The following SIN3B variants were observed in gnomAD, a reference collection of about 807,000 sequenced individuals.
SIN3B encodes the protein SIN3 transcription regulator family member B.
In SIN3B, 19 loss-of-function variants were observed where a neutral mutation model predicts 120.2. That is an observed-to-expected ratio of 0.16 (90% CI 0.11 to 0.23). The LOEUF (loss-of-function observed/expected upper bound fraction) is 0.23, where lower values mean the gene tolerates loss of function less well. SIN3B is among the 10% of genes least tolerant of loss of function. The probability of loss-of-function intolerance (pLI) is 1.00; values close to 1 mark genes in which losing one functional copy is unlikely to be tolerated. For missense variants in SIN3B, 1,073 were observed against 1,573.0 expected (o/e 0.68, Z 5.38); for synonymous variants, 654 against 653.2 (o/e 1.00, Z -0.02).
chr19:16,869,564 C>G lies in SIN3B; in HGVS notation c.1911C>G (p.Ile637Met). ...TCCTGGAGGACGCAGCAGCGCTCAT[C>G]AGCTACTACGTGAAGCGGCAGCCGG... ...RQILEDAAAL[I>M]SYYVKRQPAI... is the part of the protein sequence containing the mutation. The change falls in exon 13 of 19, where the codon ATC becomes ATG. Residue 637 changes from isoleucine to methionine, a missense_variant. This residue lies in a region of SIN3B where 169 missense variants were observed against 207.3 expected (regional missense o/e 0.82). Coordinates refer to ENST00000248054, the MANE Select transcript of SIN3B (RefSeq NM_001297595.2). 2 of 1,613,902 alleles carry G rather than the reference C, an allele frequency of 1.2e-6. No homozygotes were observed. The highest frequency in any genetic ancestry group is 1.7e-6 in the Non-Finnish European group (2 of 1,180,038).
At chr19:16,832,171 G>A (rs1971286266) in intron 3 of SIN3B, among the ~76,000 whole-genome samples, 1 of 151,050 alleles carries the variant, frequency 6.6e-6, no homozygotes, top group South Asian at 2.1e-4. Context: ...CTTTTTTCTT[G>A]GGTGATAGGT....
chr19:16,850,011 C>G (rs1415387742), intron 5 of SIN3B, among the ~76,000 whole-genome samples: 1 of 151,048 alleles, frequency 6.6e-6, no homozygotes, highest in Non-Finnish European at 1.5e-5. Flanking sequence ...GCCAATTTCT[C>G]CACTTACAGC....
chr19:16,830,585 C>T (rs1971266248), intron 2 of SIN3B, among the ~76,000 whole-genome samples: 2 of 152,182 alleles, frequency 1.3e-5, no homozygotes, highest in Admixed American at 6.5e-5. Context: ...GACTCAGATT[C>T]TTGGAAGTCA....
intron 8 of SIN3B, among the ~76,000 whole-genome samples, chr19:16,860,155 G>A (rs1971666801): frequency 6.6e-6 from 1 of 152,200 alleles, no homozygotes; most frequent in Non-Finnish European, 1.5e-5. Flanking sequence ...CAGAATTGAA[G>A]CGGGCCTCTG....
Position 16,866,365 on chromosome 19 carries a change from C to A in SIN3B, c.1623-8C>A. 1 of 1,608,898 alleles carries A rather than the reference C, an allele frequency of 6.2e-7. No individual in the cohort carries two copies. Among genetic ancestry groups the A allele is most frequent in the Non-Finnish European group, 8.5e-7 (1 of 1,177,322 alleles). ...TGTCCCTGGTGCTGACCTCTCTTCC[C>A]CCCGCAGACTGAAGGCCAAGGAAGA... On this transcript the variant is annotated splice_region_variant and splice_polypyrimidine_tract_variant and intron_variant, in intron 11 of 18. Coordinates refer to ENST00000248054, the MANE Select transcript of SIN3B (RefSeq NM_001297595.2).
rs376663611 is a variant in SIN3B, at chr19:16,869,955, C to T, written c.2302C>T (p.Arg768Cys). 3.0e-5 allele frequency: 49 copies of T among 1,614,106 alleles called. No homozygotes were observed. Among genetic ancestry groups the T allele is most frequent in the Non-Finnish European group, 3.9e-5 (46 of 1,180,056 alleles). ...TLCSRLLKIY[R>C]QAQKQLLEYR... Reference sequence around the variant, plus strand: ...GTGCTCCAGGCTGCTGAAGATCTACCGCCAGGCGCAGAAGCAGCTTCTGGA... The same window carrying T: ...GTGCTCCAGGCTGCTGAAGATCTACTGCCAGGCGCAGAAGCAGCTTCTGGA... The change falls in exon 13 of 19, where the codon CGC becomes TGC. Residue 768 changes from arginine to cysteine, a missense_variant. Coordinates refer to ENST00000248054, the MANE Select transcript of SIN3B (RefSeq NM_001297595.2).
intron 5 of SIN3B, among the ~76,000 whole-genome samples, chr19:16,850,711 G>C (rs150763746): frequency 1.3e-5 from 2 of 152,200 alleles, no homozygotes; most frequent in African/African-American, 4.8e-5. Flanking sequence ...GAAAAGCTGC[G>C]GTCTGTCCAT....
intron 8 of SIN3B, among the ~76,000 whole-genome samples, chr19:16,856,130 T>G (rs773152573): frequency 6.6e-6 from 1 of 152,058 alleles, no homozygotes; most frequent in Non-Finnish European, 1.5e-5. Flanking sequence ...GGTCTAAGAG[T>G]AGCTTCTAAC....
intron 10 of SIN3B, among the ~76,000 whole-genome samples, chr19:16,864,528 C>G (rs1599607101): frequency 6.6e-6 from 1 of 151,532 alleles, no homozygotes; most frequent in Non-Finnish European, 1.5e-5. Flanking sequence ...CATGAAGTCT[C>G]ACTGTGTTCC....
rs867955418 is a variant in SIN3B at position 16,876,390 on chromosome 19, G to A, written c.2767-96G>A. 1 of 1,425,792 alleles carries A rather than the reference G, an allele frequency of 7.0e-7. No homozygotes were observed. The allele number at this position is 1,425,792 out of a possible 1,614,324, so 88.3% of individuals were successfully genotyped here. On this transcript the variant is annotated intron_variant, in intron 15 of 18. Coordinates refer to ENST00000248054, the MANE Select transcript of SIN3B (RefSeq NM_001297595.2). This position sits in a 1 kb window ranked among gnomAD's most constrained non-coding sequence, Gnocchi z 7.1. ...TGCAGGAAGCATCAGGGCTTTGGGAGGGTGGCAAAGGCGGGAGGCGGGTGG... is the reference window on the plus strand; with the variant it reads ...TGCAGGAAGCATCAGGGCTTTGGGAAGGTGGCAAAGGCGGGAGGCGGGTGG...
At chr19:16,871,748 T>G in intron 14 of SIN3B, 1 of 241,536 alleles carries the variant, frequency 4.1e-6, no homozygotes, top group African/African-American at 2.3e-5. Flanking sequence ...TCGTGCTTCA[T>G]TCCTTTTTAT....
intron 11 of SIN3B, 42 bp downstream of exon 11, chr19:16,865,690 C>T (rs1971761435): frequency 1.6e-6 from 2 of 1,287,728 alleles, no homozygotes; most frequent in Admixed American, 2.0e-5. Context: ...TTCCCCTTCC[C>T]CCTTCCCTCC....
intron 17 of SIN3B, among the ~76,000 whole-genome samples, 190 bp downstream of exon 17, chr19:16,877,829 G>A (rs1014003178): frequency 4.6e-5 from 7 of 152,164 alleles, no homozygotes; most frequent in African/African-American, 1.4e-4. Context: ...ACCCCAGGAC[G>A]GTGAGGTGTA....
chr19:16,874,165 A>G (rs2051550147), intron 14 of SIN3B, among the ~76,000 whole-genome samples: 1 of 152,250 alleles, frequency 6.6e-6, no homozygotes, highest in Non-Finnish European at 1.5e-5. Flanking sequence ...TTTAGGGGAA[A>G]GGAACAGCCT....
intron 3 of SIN3B, among the ~76,000 whole-genome samples, chr19:16,834,530 T>C (rs1971320835): frequency 6.6e-6 from 1 of 152,164 alleles, no homozygotes; most frequent in Non-Finnish European, 1.5e-5. Context: ...ACCCATCGAC[T>C]TGGGGAAAGG....
At chr19:16,830,008 C>A in intron 2 of SIN3B, 111 bp downstream of exon 2, 1 of 700,674 alleles carries the variant, frequency 1.4e-6, no homozygotes, top group Non-Finnish European at 2.6e-6. Context: ...TGACCTTGCG[C>A]AGGTTGTCCA....
Position 16,876,130 on chromosome 19 carries a change from G to A in SIN3B, c.2668G>A (p.Ala890Thr), listed in dbSNP as rs920921525. ...LYLNEKKRGA[A>T]GGNLSSRCVR... is the part of the protein sequence containing the mutation. The stretch of plus-strand genomic sequence containing the variant: ...CCTGAACGAGAAGAAGCGGGGTGCC[G>A]CTGGTGGGAACCTGTCCTCCCGCTG... The change falls in exon 15 of 19, where the codon GCT becomes ACT. Residue 890 changes from alanine to threonine, a missense_variant. Ala to Thr is a moderately conservative substitution (Grantham distance 58, BLOSUM62 0). Transcript: ENST00000248054. This position sits in a 1 kb window ranked among gnomAD's most constrained non-coding sequence, Gnocchi z 7.1. The A allele has an allele frequency of 6.8e-6, 11 of 1,608,508 alleles. No individual in the cohort carries two copies. The highest frequency in any genetic ancestry group is 2.2e-5 in the South Asian group (2 of 89,962).
chr19:16,876,542 C>CGAG lies in SIN3B; in HGVS notation c.2828_2830dup (p.Glu943dup). Reference sequence around the variant, plus strand: ...TCATGACCATCGAGCTCCTGGACACCGAGGAGGCCCAGACGGAGGACCCTG... The same window carrying CGAG: ...TCATGACCATCGAGCTCCTGGACACCGAGGAGGAGGCCCAGACGGAGGACCCTG... On this transcript the variant is annotated inframe_insertion, in exon 16 of 19. Coordinates refer to ENST00000248054, the MANE Select transcript of SIN3B (RefSeq NM_001297595.2). This position sits in a 1 kb window ranked among gnomAD's most constrained non-coding sequence, Gnocchi z 7.1. The CGAG allele has an allele frequency of 1.2e-6, 2 of 1,613,492 alleles. No individual in the cohort carries two copies. The highest frequency in any genetic ancestry group is 1.7e-6 in the Non-Finnish European group (2 of 1,179,898).
At chr19:16,844,952 G>A (rs748090627) in intron 4 of SIN3B, among the ~76,000 whole-genome samples, 1 of 152,102 alleles carries the variant, frequency 6.6e-6, no homozygotes, top group Non-Finnish European at 1.5e-5. Flanking sequence ...CATGGGAGGG[G>A]GTGCTGGCGT....
Sources: allele counts gnomAD v4.1 joint callset (sites outside exome capture counted in the v4.1 genomes callset), GRCh38; gene constraint gnomAD v4.1.1; regional missense constraint gnomAD v4.1.1; non-coding constraint Gnocchi (gnomAD v3.1); transcripts MANE v1.5; gene names NCBI Gene and HGNC (gene_info 2026-07-23, HGNC 2026-07-21).